APBA2: variants seen among roughly 807,000 people sequenced by gnomAD.
The protein encoded by APBA2 is amyloid-beta A4 precursor protein-binding family A member 2.
APBA2 carries 30 observed loss-of-function variants against 75.0 expected under a neutral mutation model. The ratio of observed to expected loss-of-function variants is 0.40; its 90% CI spans 0.30 to 0.54. APBA2 has a LOEUF of 0.54. Ranked by LOEUF, APBA2 falls within the 20% of genes least tolerant of loss-of-function variation. The pLI, the probability that APBA2 is intolerant of heterozygous loss-of-function variation, is 0.49. For synonymous variants in APBA2, 444 were observed against 409.6 expected, an observed-to-expected ratio of 1.08 and a Z score of -1.01; for missense variants, 801 against 1,016.1, an observed-to-expected ratio of 0.79 and a Z score of 2.88.
At chr15:29,048,204 G>A (rs1035194033) in intron 3 of APBA2, among the ~76,000 whole-genome samples, 4 of 152,244 alleles carry the variant, frequency 2.6e-5, no homozygotes, top group South Asian at 2.1e-4. Flanking sequence ...AAAATTAGCC[G>A]GAGGGTGATG....
intron 6 of APBA2, among the ~76,000 whole-genome samples, chr15:29,079,355 C>T (rs186089315): frequency 6.6e-5 from 10 of 152,254 alleles, no homozygotes; most frequent in South Asian, 2.1e-4. Context: ...GGCAAACTGG[C>T]GTCTGTCTTG....
chr15:29,068,829 T>C (rs1191944798), intron 4 of APBA2, among the ~76,000 whole-genome samples: 1 of 152,226 alleles, frequency 6.6e-6, no homozygotes, highest in Non-Finnish European at 1.5e-5. Context: ...GAGGGCTCTC[T>C]TTACTCTTGC....
At chr15:29,091,232 G>A (rs2043555464) in intron 6 of APBA2, among the ~76,000 whole-genome samples, 2 of 152,160 alleles carry the variant, frequency 1.3e-5, no homozygotes, top group Admixed American at 1.3e-4. Context: ...AAAAGCCGTG[G>A]GAGGACCCCA....
chr15:29,089,494 C>G (rs1043376593), intron 6 of APBA2, among the ~76,000 whole-genome samples: 12 of 152,164 alleles, frequency 7.9e-5, no homozygotes, highest in South Asian at 2.1e-4. Flanking sequence ...CCTCCCAGAC[C>G]CCCAGGATAT....
At chr15:28,987,220 C>T (rs1202033100) in intron 2 of APBA2, among the ~76,000 whole-genome samples, 1 of 152,192 alleles carries the variant, frequency 6.6e-6, no homozygotes, top group Non-Finnish European at 1.5e-5. Context: ...GTAGAGAATA[C>T]TACCATATTG....
At chr15:29,078,553 G>A (rs536726373) in intron 6 of APBA2, among the ~76,000 whole-genome samples, 206 of 151,024 alleles carry the variant, frequency 1.4e-3, no homozygotes, top group African/African-American at 4.7e-3. Flanking sequence ...GGAGCTTGCA[G>A]TGAGTCAAGA....
rs1234308371 is a variant in APBA2 at position 29,117,888 on chromosome 15, C to CA, written c.*757dup. The CA allele has an allele frequency of 2.0e-5, 3 of 151,962 alleles. No homozygotes were observed. The highest frequency in any genetic ancestry group is 4.4e-5 in the Non-Finnish European group (3 of 68,062). The allele number at this position is 151,962 out of a possible 1,614,324, so 9.4% of individuals were successfully genotyped here. A position where few individuals can be genotyped will look rare whatever the true frequency, so the allele number is the denominator to read the frequency against. On this transcript the variant is annotated 3_prime_UTR_variant, in exon 15 of 15. Transcript: ENST00000683413. ...TACCCGGGCAGGGCTCCCACAGAGA[C>CA]AAGGAGGGCACAGGTGTCTGCCCCC...
chr15:28,973,190 T>C (rs971702211), intron 2 of APBA2, among the ~76,000 whole-genome samples: 2 of 152,208 alleles, frequency 1.3e-5, no homozygotes, highest in African/African-American at 2.4e-5. Context: ...ACCAGTGATA[T>C]CACAATAGGT....
chr15:28,902,533 G>A (rs369538131), intron 1 of APBA2, among the ~76,000 whole-genome samples: 3 of 152,314 alleles, frequency 2.0e-5, no homozygotes, highest in African/African-American at 7.2e-5. Flanking sequence ...GGAGCAGAAA[G>A]AGGGCGCTAG....
intron 8 of APBA2, among the ~76,000 whole-genome samples, chr15:29,095,368 C>T (rs942073638): frequency 6.6e-6 from 1 of 151,156 alleles, no homozygotes; most frequent in Non-Finnish European, 1.5e-5. Context: ...GGCAAGAGGT[C>T]GCAGTGAGCC....
chr15:29,116,213 C>T (rs1198951532), intron 14 of APBA2, among the ~76,000 whole-genome samples: 1 of 152,128 alleles, frequency 6.6e-6, no homozygotes, highest in African/African-American at 2.4e-5. Flanking sequence ...GGCTCGAGGC[C>T]AGGCCCCAAA....
intron 1 of APBA2, among the ~76,000 whole-genome samples, chr15:28,888,289 C>T (rs770754011): frequency 7.9e-5 from 12 of 152,214 alleles, no homozygotes; most frequent in Non-Finnish European, 1.5e-4. Flanking sequence ...GATCACACCC[C>T]TGGAAGCTGA....
At chr15:29,016,042 A>G (rs989645917) in intron 3 of APBA2, among the ~76,000 whole-genome samples, 3 of 152,196 alleles carry the variant, frequency 2.0e-5, no homozygotes, top group Non-Finnish European at 4.4e-5. Context: ...GCGGATCACA[A>G]GGTCAAGAGA....
chr15:28,958,227 G>A (rs1341857973), intron 2 of APBA2, among the ~76,000 whole-genome samples: 5 of 152,182 alleles, frequency 3.3e-5, no homozygotes, highest in African/African-American at 9.7e-5. Context: ...CAGTCACATC[G>A]GTCCTAGAAG....
At chr15:29,040,598 C>T (rs573508190) in intron 3 of APBA2, among the ~76,000 whole-genome samples, 68 of 152,306 alleles carry the variant, frequency 4.5e-4, no homozygotes, top group African/African-American at 1.4e-3. Context: ...TTTGAAACCG[C>T]ACTGACGTTA....
In APBA2 at chr15:29,095,404, T is replaced by G. The variant is rs368036743; in HGVS notation, c.1251+1091T>G. ...GAGATCATGCCATTGCACTCCAGCC[T>G]GGGCAACACGAGCGAAACTCCATCT... On this transcript the variant is annotated intron_variant, in intron 8 of 14. Coordinates refer to ENST00000683413, the MANE Select transcript of APBA2 (RefSeq NM_001353788.2). Among the ~76,000 whole-genome samples the G allele has an allele frequency of 2.0e-5, 3 of 150,488 alleles. No individual in the cohort carries two copies. The East Asian group carries it at 6.0e-4, about 30-fold the overall frequency.
At chr15:28,922,660 A>G (rs2034035999) in intron 2 of APBA2, among the ~76,000 whole-genome samples, 1 of 151,892 alleles carries the variant, frequency 6.6e-6, no homozygotes, top group African/African-American at 2.4e-5. Flanking sequence ...CCCTGCTCCC[A>G]CTGGCCTCCC....
chr15:28,981,615 TAAAAC>T lies in APBA2; in HGVS notation c.-94-14136_-94-14132del, dbSNP rs138675514. Among the ~76,000 whole-genome samples the T allele has an allele frequency of 5.0e-3, 764 of 152,270 alleles. 5 individuals carry two copies. The highest frequency in any genetic ancestry group is 0.017 in the Middle Eastern group (5 of 294). On this transcript the variant is annotated intron_variant, in intron 2 of 14. Transcript: ENST00000683413. ...CAGTTTGGAGATTTCTCAAAGGACTTAAAACAGAACTACATTTGACCCAGCAATCC... is the reference window on the plus strand; with the variant it reads ...CAGTTTGGAGATTTCTCAAAGGACTTAGAACTACATTTGACCCAGCAATCC...
rs565771612 is a variant in APBA2 at position 29,048,811 on chromosome 15, CACCT to C, written c.-40-5029_-40-5026del. 6.0e-3 allele frequency among the ~76,000 whole-genome samples: 918 copies of C among 151,838 alleles called. 10 individuals carry two copies. Among genetic ancestry groups the C allele is most frequent in the African/African-American group, 0.021 (864 of 41,366 alleles). ...AAAATTAGCTGGGCGTGGTGGTGCG[CACCT>C]ACCTGTAGTCCTAGCTACTCGGGAG... On this transcript the variant is annotated intron_variant, in intron 3 of 14. Transcript: ENST00000683413.
Sources: gnomAD v4.1 joint callset for allele counts (sites outside exome capture counted in the v4.1 genomes callset) on GRCh38, gnomAD v4.1.1 for gene constraint, MANE v1.5 for transcripts, NCBI Gene and HGNC (gene_info 2026-07-23, HGNC 2026-07-21) for gene names.